CEP112: variants seen among roughly 807,000 people sequenced by gnomAD.
The protein encoded by CEP112 is centrosomal protein of 112 kDa.
CEP112 carries 127 observed loss-of-function variants against 153.0 expected under a neutral mutation model. The observed-to-expected ratio is 0.83, with a 90% confidence interval of 0.72 to 0.96. The LOEUF is 0.96. CEP112 is among the 40% of genes least tolerant of loss of function. The pLI is 0.00. For synonymous variants in CEP112, 358 were observed against 374.4 expected (o/e 0.96, Z 0.51); for missense variants, 1,089 against 1,101.2 (o/e 0.99, Z 0.16).
chr17:65,751,832 A>T (rs2051871360), intron 21 of CEP112, among the ~76,000 whole-genome samples: 1 of 152,206 alleles, frequency 6.6e-6, no homozygotes, highest in Non-Finnish European at 1.5e-5. Flanking sequence ...GAGGGTAAGT[A>T]ACTTGCCCAG....
At chr17:65,710,605 T>C (rs2049130432) in intron 23 of CEP112, among the ~76,000 whole-genome samples, 1 of 152,228 alleles carries the variant, frequency 6.6e-6, no homozygotes, top group South Asian at 2.1e-4. Context: ...CATGTCTGTG[T>C]GTGCAGAAGC....
At chr17:66,036,998 A>G (rs2065766262) in intron 12 of CEP112, among the ~76,000 whole-genome samples, 1 of 152,166 alleles carries the variant, frequency 6.6e-6, no homozygotes, top group African/African-American at 2.4e-5. Context: ...TGAACAATCT[A>G]TTATAATAAA....
chr17:66,128,018 C>CTATAAAGGCCTATAAA (rs2069932965), intron 6 of CEP112, among the ~76,000 whole-genome samples: 1 of 151,950 alleles, frequency 6.6e-6, no homozygotes, highest in African/African-American at 2.4e-5. Context: ...AGACCTAAAA[C>CTATAAAGGCCTATAAA]GGCCAGGCGC....
At chr17:66,079,197 T>C (rs1217585964) in intron 8 of CEP112, among the ~76,000 whole-genome samples, 1 of 152,140 alleles carries the variant, frequency 6.6e-6, no homozygotes, top group African/African-American at 2.4e-5. Flanking sequence ...CCCAACACTT[T>C]GGGAGGCTGA....
chr17:65,786,079 G>C (rs1211586478), intron 21 of CEP112, among the ~76,000 whole-genome samples: 1 of 151,964 alleles, frequency 6.6e-6, no homozygotes, highest in Non-Finnish European at 1.5e-5. Flanking sequence ...CATTTATTTA[G>C]ATTTTAATTT....
chr17:66,179,874 T>G (rs893010702), intron 2 of CEP112, among the ~76,000 whole-genome samples: 1 of 151,832 alleles, frequency 6.6e-6, no homozygotes. Flanking sequence ...TGATACCCAG[T>G]TTTTTTTAGG....
intron 24 of CEP112, among the ~76,000 whole-genome samples, chr17:65,664,917 G>A (rs1034849815): frequency 6.6e-6 from 1 of 152,184 alleles, no homozygotes; most frequent in Non-Finnish European, 1.5e-5. Context: ...TCTGGTTTAG[G>A]TGAGGGCTCT....
chr17:65,716,157 GT>G (rs59895626), intron 23 of CEP112, among the ~76,000 whole-genome samples: 71,844 of 149,570 alleles, frequency 0.48, 18,187 homozygotes, highest in African/African-American at 0.65. Flanking sequence ...TTCTTTCTTT[GT>G]TTTTTTTTTG....
At chr17:66,056,508 T>G (rs1461495585) in intron 11 of CEP112, among the ~76,000 whole-genome samples, 1 of 152,208 alleles carries the variant, frequency 6.6e-6, no homozygotes, top group Non-Finnish European at 1.5e-5. Context: ...GATGAATGGA[T>G]AGGCAAAATG....
chr17:65,764,255 G>A (rs768653625), intron 21 of CEP112, among the ~76,000 whole-genome samples: 1 of 152,192 alleles, frequency 6.6e-6, no homozygotes, highest in African/African-American at 2.4e-5. Flanking sequence ...TGGATACAAA[G>A]TTATATATAG....
At chr17:66,109,500 A>G (rs1293836681) in intron 6 of CEP112, among the ~76,000 whole-genome samples, 1 of 152,190 alleles carries the variant, frequency 6.6e-6, no homozygotes, top group South Asian at 2.1e-4. Context: ...TTCTGAAATG[A>G]GTAAAAATCA....
chr17:66,039,531 T>G (rs1158870641), intron 12 of CEP112, among the ~76,000 whole-genome samples: 2 of 152,134 alleles, frequency 1.3e-5, no homozygotes, highest in Non-Finnish European at 2.9e-5. Context: ...CACTCCAGCC[T>G]GGGCAACAGA....
intron 8 of CEP112, among the ~76,000 whole-genome samples, chr17:66,092,028 T>A (rs2068151195): frequency 6.7e-6 from 1 of 148,228 alleles, no homozygotes; most frequent in Non-Finnish European, 1.5e-5. Flanking sequence ...GACTGAAGCA[T>A]TAATTTATGT....
At chr17:65,979,579 T>C (rs1011666917) in intron 17 of CEP112, among the ~76,000 whole-genome samples, 1 of 152,110 alleles carries the variant, frequency 6.6e-6, no homozygotes, top group Non-Finnish European at 1.5e-5. Flanking sequence ...CTTTTCTCAG[T>C]ATCACACAAA....
chr17:65,852,762 C>A (rs1176981814), intron 20 of CEP112, among the ~76,000 whole-genome samples: 2 of 151,660 alleles, frequency 1.3e-5, no homozygotes, highest in African/African-American at 4.8e-5. Context: ...TGATTGATTT[C>A]TGCTTTTATT....
intron 4 of CEP112, among the ~76,000 whole-genome samples, chr17:66,173,368 T>C (rs546388737): frequency 2.0e-5 from 3 of 152,286 alleles, no homozygotes; most frequent in African/African-American, 7.2e-5. Flanking sequence ...TATATGAAAT[T>C]CCCCAAATGT....
At chr17:65,862,797 G>A (rs1434311250) in intron 20 of CEP112, among the ~76,000 whole-genome samples, 3 of 151,940 alleles carry the variant, frequency 2.0e-5, no homozygotes, top group African/African-American at 4.8e-5. Context: ...TTAAATTTTA[G>A]GACAATAATT....
At chr17:66,151,758 C>A (rs1257364122) in intron 4 of CEP112, among the ~76,000 whole-genome samples, 1 of 152,128 alleles carries the variant, frequency 6.6e-6, no homozygotes, top group East Asian at 1.9e-4. Context: ...ATCCTATTAA[C>A]CATATGAGTG....
chr17:66,116,266 AT>A (rs368767567), intron 6 of CEP112, among the ~76,000 whole-genome samples: 7,365 of 151,128 alleles, frequency 0.049, 231 homozygotes, highest in African/African-American at 0.071. Flanking sequence ...AACAATTAAC[AT>A]TTTTTTTTGT....
Sources: allele counts gnomAD v4.1 joint callset (sites outside exome capture counted in the v4.1 genomes callset), GRCh38; gene constraint gnomAD v4.1.1; transcripts MANE v1.5; gene names NCBI Gene and HGNC (gene_info 2026-07-23, HGNC 2026-07-21).